Variants in BDP1 observed in about 807,000 individuals in gnomAD.
The protein encoded by BDP1 is transcription factor TFIIIB component B'' homolog.
In BDP1, 169 loss-of-function variants were observed where a neutral mutation model predicts 266.6. The ratio of observed to expected loss-of-function variants is 0.63; its 90% confidence interval spans 0.56 to 0.72. The LOEUF is 0.72. BDP1 is among the 30% of genes least tolerant of loss of function. The pLI is 0.00. For synonymous variants in BDP1, 1,090 were observed against 1,022.4 expected, an observed-to-expected ratio of 1.07 and a Z score of -1.26; for missense variants, 3,015 against 3,053.8, an observed-to-expected ratio of 0.99 and a Z score of 0.30.
chr5:71,487,910 A>G, intron 9 of BDP1, among the ~76,000 whole-genome samples: 1 of 152,258 alleles, frequency 6.6e-6, no homozygotes, highest in East Asian at 1.9e-4. Flanking sequence ...TTTTCAAAGG[A>G]TAGCAGTCAA....
intron 16 of BDP1, among the ~76,000 whole-genome samples, chr5:71,507,747 T>C (rs1764659105): frequency 6.6e-6 from 1 of 152,206 alleles, no homozygotes; most frequent in Admixed American, 6.5e-5. Context: ...CCTTTATTGA[T>C]TGCTGTTAAT....
At chr5:71,570,850 C>T (rs189555248), downstream of BDP1, among the ~76,000 whole-genome samples, 1 of 152,328 alleles carries the variant, frequency 6.6e-6, no homozygotes, top group Admixed American at 6.5e-5. Context: ...GAGTGTCCTC[C>T]AGGCCCTCTT....
chr5:71,518,271 A>G (rs1049471856), intron 22 of BDP1, among the ~76,000 whole-genome samples: 1 of 152,184 alleles, frequency 6.6e-6, no homozygotes, highest in Non-Finnish European at 1.5e-5. Context: ...TTCAGCACTT[A>G]TGAATATACT....
At chr5:71,575,394 T>C in the BDP1 span, among the ~76,000 whole-genome samples, 72,738 of 152,054 alleles carry the variant, frequency 0.48, 17,682 homozygotes, top group South Asian at 0.55. Flanking sequence ...GCCGCTATCT[T>C]GGGAGAAGCT....
intron 13 of BDP1, among the ~76,000 whole-genome samples, chr5:71,498,744 C>T (rs1480656273): frequency 1.6e-5 from 2 of 122,046 alleles, no homozygotes; most frequent in African/African-American, 6.4e-5. Flanking sequence ...TTTTTTTTGA[C>T]ATAGGATCTC....
At chr5:71,512,706 G>A (rs1371263002) in intron 18 of BDP1, among the ~76,000 whole-genome samples, 1 of 152,076 alleles carries the variant, frequency 6.6e-6, no homozygotes, top group South Asian at 2.1e-4. Flanking sequence ...TACCTGGATT[G>A]TACCACTCAT....
chr5:71,512,944 C>CACATGCCTTGGGTGG (rs1312404325), intron 18 of BDP1, among the ~76,000 whole-genome samples: 1 of 151,540 alleles, frequency 6.6e-6, no homozygotes, highest in African/African-American at 2.4e-5. Flanking sequence ...TGCCTGTAGT[C>CACATGCCTTGGGTGG]CCAGCTACTT....
chr5:71,573,237 AAAAAG>A, the BDP1 span, among the ~76,000 whole-genome samples: 332 of 131,678 alleles, frequency 2.5e-3, 1 homozygote, highest in Non-Finnish European at 2.3e-3. Context: ...CAAAAAAAAA[AAAAAG>A]AAAGAAAAGA....
chr5:71,534,936 C>T (rs977243478), intron 26 of BDP1, among the ~76,000 whole-genome samples: 5 of 152,104 alleles, frequency 3.3e-5, no homozygotes, highest in African/African-American at 9.7e-5. Flanking sequence ...CCACCGTGCC[C>T]GGCCTGGGAT....
At chr5:71,500,936 C>CA (rs1478109476) in intron 13 of BDP1, among the ~76,000 whole-genome samples, 1 of 151,572 alleles carries the variant, frequency 6.6e-6, no homozygotes, top group Non-Finnish European at 1.5e-5. Flanking sequence ...CTGGTCTCTA[C>CA]AAAAAATGAA....
intron 22 of BDP1, among the ~76,000 whole-genome samples, chr5:71,518,101 T>C (rs277948): frequency 0.45 from 68,399 of 152,006 alleles, 15,709 homozygotes; most frequent in South Asian, 0.55. Flanking sequence ...TTTTATTTAT[T>C]ACTTGCTATC....
chr5:71,502,150 C>A (rs1421731924), intron 14 of BDP1, among the ~76,000 whole-genome samples: 1 of 148,690 alleles, frequency 6.7e-6, no homozygotes, highest in African/African-American at 2.5e-5. Context: ...AGTGCTTTTT[C>A]AAGAGGGCTT....
At chr5:71,464,788 G>A (rs1359608924) in intron 4 of BDP1, among the ~76,000 whole-genome samples, 4 of 136,532 alleles carry the variant, frequency 2.9e-5, no homozygotes, top group South Asian at 2.4e-4. Context: ...GTGCGATCTC[G>A]GCTCACTGCA....
intron 16 of BDP1, among the ~76,000 whole-genome samples, chr5:71,507,777 A>G (rs953160120): frequency 3.3e-5 from 5 of 152,200 alleles, no homozygotes; most frequent in African/African-American, 9.6e-5. Flanking sequence ...AACGTTGTCA[A>G]TTGCTAAAGT....
chr5:71,543,221 G>A (rs1313223062), intron 30 of BDP1, among the ~76,000 whole-genome samples: 1 of 152,154 alleles, frequency 6.6e-6, no homozygotes, highest in African/African-American at 2.4e-5. Context: ...GGTTGAGGTC[G>A]CAGTGAACTG....
At chr5:71,462,303 C>T (rs1761627463) in intron 3 of BDP1, among the ~76,000 whole-genome samples, 1 of 152,118 alleles carries the variant, frequency 6.6e-6, no homozygotes, top group Non-Finnish European at 1.5e-5. Context: ...ATATAAATAG[C>T]ACTTTTATAG....
At chr5:71,570,039 A>G (rs759428080), downstream of BDP1, among the ~76,000 whole-genome samples, 6 of 152,162 alleles carry the variant, frequency 3.9e-5, no homozygotes, top group Non-Finnish European at 5.9e-5. Context: ...CTCATGGGTT[A>G]AGGAAACTGT....
chr5:71,540,409 C>T (rs1380322531), intron 28 of BDP1, among the ~76,000 whole-genome samples: 1 of 152,142 alleles, frequency 6.6e-6, no homozygotes, highest in African/African-American at 2.4e-5. Context: ...CTCACTGCAA[C>T]CTCTGCCTCC....
chr5:71,541,858 G>T (rs946355634), intron 29 of BDP1, among the ~76,000 whole-genome samples, 176 bp downstream of exon 29: 11 of 152,154 alleles, frequency 7.2e-5, no homozygotes, highest in Admixed American at 7.2e-4. Context: ...AGTAAATGTT[G>T]TGTATCTTTG....
Sources: allele counts gnomAD v4.1 joint callset (sites outside exome capture counted in the v4.1 genomes callset), GRCh38; gene constraint gnomAD v4.1.1; transcripts MANE v1.5; gene names NCBI Gene and HGNC (gene_info 2026-07-23, HGNC 2026-07-21).